Variants in ABI1 observed in about 807,000 individuals in gnomAD.
The protein encoded by ABI1 is Abelson interactor 1.
A neutral mutation model predicts 54.6 loss-of-function variants in ABI1; 14 were observed. The ratio of observed to expected loss-of-function variants is 0.26; its 90% CI spans 0.17 to 0.40. ABI1 has a LOEUF of 0.40. Among genes scored for constraint, ABI1 ranks in the 10% least tolerant of loss-of-function variants. ABI1 has a pLI of 1.00. For missense variants in ABI1, 443 were observed against 598.3 expected (o/e 0.74, Z 2.71); for synonymous variants, 194 against 209.3 (o/e 0.93, Z 0.63).
chr10:26,833,738 T>C (rs74698211), intron 1 of ABI1, among the ~76,000 whole-genome samples: 2,354 of 143,404 alleles, frequency 0.016, 52 homozygotes, highest in African/African-American at 0.059. Flanking sequence ...CTAAAAAAAA[T>C]ACAATCAGAT....
At chr10:26,828,256 C>T (rs1455895922) in intron 1 of ABI1, among the ~76,000 whole-genome samples, 3 of 152,192 alleles carry the variant, frequency 2.0e-5, no homozygotes, top group South Asian at 2.1e-4. Context: ...CACCATCTCA[C>T]ATGAGTGCAG....
In ABI1 at chr10:26,860,710, ACCCGGCCAGCGCCCGCCG is replaced by A. The variant is rs1172976603; in HGVS notation, c.117+19_117+36del. On this transcript the variant is annotated intron_variant, in intron 1 of 10. Coordinates refer to ENST00000376140, the MANE Select transcript of ABI1 (RefSeq NM_001012750.3). The surrounding 1 kb of genome is among the most constrained non-coding windows in gnomAD (Gnocchi z 4.1). ...GGCTGGTCACTCCGGCGGGTCCTCG[ACCCGGCCAGCGCCCGCCG>A]GCCGCCAGAGCGCCTCACCTGTATG... 21 of 1,566,438 alleles carry A rather than the reference ACCCGGCCAGCGCCCGCCG, an allele frequency of 1.3e-5. No homozygotes were observed. Among genetic ancestry groups the A allele is most frequent in the Non-Finnish European group, 1.8e-5 (21 of 1,138,454 alleles).
intron 1 of ABI1, among the ~76,000 whole-genome samples, chr10:26,824,216 G>C (rs1320585455): frequency 3.3e-5 from 5 of 152,152 alleles, no homozygotes; most frequent in African/African-American, 1.2e-4. Flanking sequence ...AAACCAATAT[G>C]AGATACTATT....
At chr10:26,799,631 G>C (rs1429630602) in intron 2 of ABI1, among the ~76,000 whole-genome samples, 1 of 152,188 alleles carries the variant, frequency 6.6e-6, no homozygotes, top group African/African-American at 2.4e-5. Flanking sequence ...CTAAAACTGA[G>C]AGATGAAATG....
intron 2 of ABI1, among the ~76,000 whole-genome samples, chr10:26,800,790 G>A (rs2046500939): frequency 6.6e-6 from 1 of 152,130 alleles, no homozygotes; most frequent in African/African-American, 2.4e-5. Flanking sequence ...CAGCACTTTG[G>A]GAGGTCGGGA....
rs150005145 is a variant in ABI1, at chr10:26,811,884, A to G, written c.285+11254T>C. ...TTTAGCAGAAATTTATCCTCTTAAC[A>G]GTTCTGGTGGCCAGAAATCTGAACA... On this transcript the variant is annotated intron_variant, in intron 2 of 10. Coordinates refer to ENST00000376140, the MANE Select transcript of ABI1 (RefSeq NM_001012750.3). 1.0e-2 allele frequency among the ~76,000 whole-genome samples: 1,515 copies of G among 152,122 alleles called. 22 individuals carry two copies. The highest frequency in any genetic ancestry group is 0.033 in the African/African-American group (1,367 of 41,412).
At chr10:26,832,400 A>G (rs7082825) in intron 1 of ABI1, among the ~76,000 whole-genome samples, 42,375 of 151,646 alleles carry the variant, frequency 0.28, 7,478 homozygotes, top group African/African-American at 0.48. Flanking sequence ...GGCTAACACA[A>G]TGAAACCCTA....
At chr10:26,755,158 T>TA (rs1838143062) in intron 9 of ABI1, among the ~76,000 whole-genome samples, 1 of 152,192 alleles carries the variant, frequency 6.6e-6, no homozygotes, top group Non-Finnish European at 1.5e-5. Flanking sequence ...AACCTTTACG[T>TA]AGGTTCAATA....
intron 8 of ABI1, among the ~76,000 whole-genome samples, chr10:26,757,557 T>A (rs1838472332): frequency 1.3e-5 from 2 of 152,160 alleles, no homozygotes; most frequent in South Asian, 4.1e-4. Context: ...TTAGATAATC[T>A]GGAATATTTA....
intron 2 of ABI1, among the ~76,000 whole-genome samples, chr10:26,777,639 G>A (rs1841581021): frequency 6.6e-6 from 1 of 152,128 alleles, no homozygotes; most frequent in Admixed American, 6.6e-5. Flanking sequence ...GCCAGGCATG[G>A]TGGCATGTGC....
In ABI1 at chr10:26,748,926, A is replaced by C. The variant is rs186037177; in HGVS notation, c.1271-181T>G. On this transcript the variant is annotated intron_variant, in intron 10 of 10. Coordinates refer to ENST00000376140, the MANE Select transcript of ABI1 (RefSeq NM_001012750.3). ...AACCATGTACTTAAATCATTGGCTT[A>C]ATCTTAGAGCCAAATGACAATCTGA... Among the ~76,000 whole-genome samples the C allele has an allele frequency of 2.7e-3, 413 of 152,350 alleles. 1 individual carries two copies. Among genetic ancestry groups the C allele is most frequent in the African/African-American group, 9.7e-3 (402 of 41,586 alleles).
chr10:26,772,371 T>C (rs1204434010), intron 3 of ABI1, among the ~76,000 whole-genome samples: 1 of 152,130 alleles, frequency 6.6e-6, no homozygotes, highest in East Asian at 1.9e-4. Context: ...ATAATGTATA[T>C]ACATAATACT....
intron 8 of ABI1, among the ~76,000 whole-genome samples, chr10:26,757,204 G>GTAC (rs148369475): frequency 0.017 from 2,570 of 151,560 alleles, 61 homozygotes; most frequent in African/African-American, 0.058. Flanking sequence ...AAACATTCAC[G>GTAC]TACTACTACT....
intron 2 of ABI1, among the ~76,000 whole-genome samples, chr10:26,811,929 C>T (rs74126850): frequency 0.037 from 5,612 of 152,202 alleles, 358 homozygotes; most frequent in African/African-American, 0.13. Flanking sequence ...AGGATCAAAT[C>T]CAAGAGTGAG....
chr10:26,803,961 G>A (rs777216981), intron 2 of ABI1, among the ~76,000 whole-genome samples: 13 of 149,858 alleles, frequency 8.7e-5, no homozygotes, highest in Admixed American at 4.6e-4. Flanking sequence ...AAAGGATGAA[G>A]TAAAAAAAAA....
intron 2 of ABI1, among the ~76,000 whole-genome samples, chr10:26,819,275 G>A (rs529591778): frequency 6.6e-6 from 1 of 152,172 alleles, no homozygotes; most frequent in South Asian, 2.1e-4. Flanking sequence ...TAAAAGGAAA[G>A]CTGGAATGGT....
At chr10:26,774,624 A>T (rs763735023) in intron 3 of ABI1, among the ~76,000 whole-genome samples, 3 of 152,098 alleles carry the variant, frequency 2.0e-5, no homozygotes, top group Non-Finnish European at 2.9e-5. Context: ...TTAAACTAAC[A>T]TGTACCGTTT....
intron 2 of ABI1, among the ~76,000 whole-genome samples, chr10:26,789,328 C>T (rs923725729): frequency 2.6e-5 from 4 of 152,096 alleles, no homozygotes; most frequent in African/African-American, 9.7e-5. Context: ...ATACATGGAA[C>T]AAATTTGGAA....
At chr10:26,755,944 A>G (rs1274693490) in intron 8 of ABI1, among the ~76,000 whole-genome samples, 2 of 152,232 alleles carry the variant, frequency 1.3e-5, no homozygotes, top group Non-Finnish European at 2.9e-5. Flanking sequence ...CTAAAGGCCA[A>G]GTTGTGCTTA....
Sources: gnomAD v4.1 joint callset for allele counts (sites outside exome capture counted in the v4.1 genomes callset) on GRCh38, gnomAD v4.1.1 for gene constraint, Gnocchi (gnomAD v3.1) non-coding constraint, MANE v1.5 for transcripts, NCBI Gene and HGNC (gene_info 2026-07-23, HGNC 2026-07-21) for gene names.